The following MYOF variants were observed in gnomAD, a reference collection of about 807,000 sequenced individuals.
MYOF encodes the protein myoferlin.
A neutral mutation model predicts 284.2 loss-of-function variants in MYOF; 244 were observed. That is an observed-to-expected ratio of 0.86 (90% CI 0.77 to 0.95). The LOEUF is 0.95. MYOF is among the 40% of genes least tolerant of loss of function. The probability of loss-of-function intolerance (pLI) is 0.00; values close to 1 mark genes in which losing one functional copy is unlikely to be tolerated. For missense variants in MYOF, 2,496 were observed against 2,560.6 expected (o/e 0.97, Z 0.54); for synonymous variants, 904 against 919.7 (o/e 0.98, Z 0.31).
intron 2 of MYOF, among the ~76,000 whole-genome samples, chr10:93,453,767 C>T (rs996767940): frequency 1.3e-5 from 2 of 152,050 alleles, no homozygotes; most frequent in African/African-American, 2.4e-5. Context: ...TGCCTGTAGT[C>T]CCAGCTGCTT....
chr10:93,455,704 A>G (rs757362894), intron 2 of MYOF, among the ~76,000 whole-genome samples: 6 of 152,154 alleles, frequency 3.9e-5, no homozygotes, highest in East Asian at 1.9e-4. Context: ...TCTAGTCTTT[A>G]TCTTATAGAG....
At chr10:93,438,994 T>C (rs970552530) in intron 3 of MYOF, among the ~76,000 whole-genome samples, 3 of 152,190 alleles carry the variant, frequency 2.0e-5, no homozygotes, top group African/African-American at 7.2e-5. Context: ...TCCTCAACCG[T>C]GATTCCCAAA....
intron 39 of MYOF, among the ~76,000 whole-genome samples, chr10:93,339,876 G>A (rs1021133437): frequency 3.9e-5 from 6 of 151,938 alleles, no homozygotes; most frequent in Non-Finnish European, 7.4e-5. Flanking sequence ...TCAGGAGATC[G>A]AGACCATCCT....
Position 93,377,414 on chromosome 10 carries a change from C to T in MYOF, c.2017G>A (p.Ala673Thr), listed in dbSNP as rs1845884123. 6.2e-7 allele frequency: 1 copy of T among 1,613,240 alleles called. No individual in the cohort carries two copies. The highest frequency in any genetic ancestry group is 2.2e-5 in the East Asian group (1 of 44,862). ...TTACCTTGTATCCCTGATTTTAGAG[C>T]TTCTATATTTGTTTGCTGAAGAATT... ...MAERLQTNIE[A>T]LKSGIQGKIP... The change falls in exon 22 of 54, where the codon GCT (alanine) becomes ACT (threonine). Residue 673 changes from alanine to threonine, a missense_variant. Transcript: ENST00000359263.
intron 2 of MYOF, among the ~76,000 whole-genome samples, chr10:93,456,650 C>T (rs1051680637): frequency 2.0e-5 from 3 of 152,188 alleles, no homozygotes; most frequent in African/African-American, 4.8e-5. Flanking sequence ...CTCAACTCTC[C>T]TGCCAGTCCA....
In MYOF at chr10:93,328,977, T is replaced by A. The variant is rs2133795906; in HGVS notation, c.4983-66A>T. ...TGCAGGTTCTTCTCAGATTCACACA[T>A]ACATGCTCATGTACTCTTAGGTGCT... On this transcript the variant is annotated intron_variant, in intron 44 of 53. Transcript: ENST00000359263. 10 of 1,517,984 alleles carry A rather than the reference T, an allele frequency of 6.6e-6. No individual in the cohort carries two copies. The South Asian group carries it at 8.8e-5, about 13-fold the overall frequency. The allele number at this position is 1,517,984 out of a possible 1,614,324, so 94.0% of individuals were successfully genotyped here.
At chr10:93,334,365 C>A (rs957772134) in intron 41 of MYOF, among the ~76,000 whole-genome samples, 2 of 149,528 alleles carry the variant, frequency 1.3e-5, no homozygotes, top group African/African-American at 5.1e-5. Flanking sequence ...GGTGTCACTT[C>A]CTCCAGGAAA....
Position 93,381,367 on chromosome 10 carries a change from C to T in MYOF, c.1728G>A (p.Leu576=). 6.2e-7 allele frequency: 1 copy of T among 1,614,212 alleles called. No homozygotes were observed. The highest frequency in any genetic ancestry group is 2.2e-5 in the East Asian group (1 of 44,882). ...TGGTGGCTGAATGAAACACGGCAGA[C>T]AGGCTGTACTTCCGCCTTCGCTGGT... The part of the protein sequence containing the change: ...EKYQRRRKYS[L]SAVFHSATML... The change falls in exon 20 of 54, where the codon CTG becomes CTA. Residue 576 remains leucine, a synonymous_variant. Transcript: ENST00000359263.
intron 3 of MYOF, among the ~76,000 whole-genome samples, chr10:93,438,975 A>C (rs2056160380): frequency 6.6e-6 from 1 of 152,158 alleles, no homozygotes; most frequent in South Asian, 2.1e-4. Flanking sequence ...TAAAAGGTAG[A>C]AACACTGATC....
At chr10:93,418,464 T>C (rs1056260004) in intron 5 of MYOF, among the ~76,000 whole-genome samples, 5 of 152,158 alleles carry the variant, frequency 3.3e-5, no homozygotes, top group Non-Finnish European at 5.9e-5. Flanking sequence ...CCCTAAGAAT[T>C]TTCTAGCATG....
intron 16 of MYOF, among the ~76,000 whole-genome samples, chr10:93,394,443 C>CTTTTTTTT (rs1193314228): frequency 2.5e-4 from 15 of 58,844 alleles, no homozygotes; most frequent in Non-Finnish European, 4.5e-4. Context: ...TGGTCACCAT[C>CTTTTTTTT]TTGTCTTTTT....
chr10:93,453,173 A>ATT (rs34382054), intron 2 of MYOF, among the ~76,000 whole-genome samples: 26 of 150,726 alleles, frequency 1.7e-4, no homozygotes, highest in South Asian at 4.2e-4. Flanking sequence ...TACCCAGCTA[A>ATT]TTTTTTTTTT....
At chr10:93,393,480 A>G (rs918398870) in intron 16 of MYOF, among the ~76,000 whole-genome samples, 1 of 152,218 alleles carries the variant, frequency 6.6e-6, no homozygotes, top group African/African-American at 2.4e-5. Context: ...AGGGCCTGCA[A>G]TGAGAGGCCC....
At chr10:93,414,549 A>ACAAAC (rs1445785352) in intron 5 of MYOF, among the ~76,000 whole-genome samples, 1 of 152,084 alleles carries the variant, frequency 6.6e-6, no homozygotes, top group African/African-American at 2.4e-5. Context: ...AAAAAACAAA[A>ACAAAC]CAAACAAACA....
intron 48 of MYOF, 116 bp from the exon 49 acceptor site, chr10:93,320,129 C>A: frequency 2.4e-6 from 3 of 1,248,510 alleles, no homozygotes; most frequent in Non-Finnish European, 3.4e-6. Flanking sequence ...TTTTCTTGGG[C>A]AGATTCCAGT....
At chr10:93,465,809 A>G (rs1261786172) in intron 1 of MYOF, among the ~76,000 whole-genome samples, 4 of 152,182 alleles carry the variant, frequency 2.6e-5, no homozygotes. Context: ...GCCACCGCAC[A>G]CAGCTAGATG....
intron 19 of MYOF, among the ~76,000 whole-genome samples, chr10:93,383,676 A>G (rs1462643739): frequency 6.6e-6 from 1 of 152,248 alleles, no homozygotes; most frequent in African/African-American, 2.4e-5. Context: ...TACATACAGC[A>G]TAACTTCTTT....
At chr10:93,332,288 T>C (rs1843348340) in intron 43 of MYOF, among the ~76,000 whole-genome samples, 1 of 151,544 alleles carries the variant, frequency 6.6e-6, no homozygotes, top group African/African-American at 2.4e-5. Context: ...AATGGCGCGA[T>C]CTCAGCTCAC....
chr10:93,376,251 G>T (rs145764135), intron 22 of MYOF, among the ~76,000 whole-genome samples: 1 of 152,258 alleles, frequency 6.6e-6, no homozygotes, highest in African/African-American at 2.4e-5. Context: ...TGTATTTGAA[G>T]GGTTAATTCC....
Sources: allele counts gnomAD v4.1 joint callset (sites outside exome capture counted in the v4.1 genomes callset), GRCh38; gene constraint gnomAD v4.1.1; transcripts MANE v1.5; gene names NCBI Gene and HGNC (gene_info 2026-07-23, HGNC 2026-07-21).